PPP3CA: variants seen among roughly 807,000 people sequenced by gnomAD.
The protein encoded by PPP3CA is CAM-PRP catalytic subunit.
In PPP3CA, 14 loss-of-function variants were observed where a neutral mutation model predicts 66.5. The observed-to-expected ratio is 0.21, with a 90% CI of 0.14 to 0.33. The LOEUF is 0.33. Among genes scored for constraint, PPP3CA ranks in the 10% least tolerant of loss-of-function variants. PPP3CA has a pLI of 1.00. For synonymous variants in PPP3CA, 232 were observed against 226.2 expected (o/e 1.03, Z -0.23); for missense variants, 317 against 639.5 (o/e 0.50, Z 5.44).
intron 2 of PPP3CA, among the ~76,000 whole-genome samples, chr4:101,150,231 C>A (rs1723094556): frequency 2.0e-5 from 3 of 152,106 alleles, no homozygotes; most frequent in Admixed American, 2.0e-4. Flanking sequence ...AAATACTATA[C>A]TTAGTAGTTT....
At chr4:101,200,199 G>C (rs1422963828) in intron 1 of PPP3CA, among the ~76,000 whole-genome samples, 1 of 152,126 alleles carries the variant, frequency 6.6e-6, no homozygotes, top group African/African-American at 2.4e-5. Flanking sequence ...GGAAACATCT[G>C]AGGGTCATTG....
At chr4:101,249,198 CT>C (rs1726593438) in intron 1 of PPP3CA, among the ~76,000 whole-genome samples, 1 of 151,698 alleles carries the variant, frequency 6.6e-6, no homozygotes, top group Admixed American at 6.6e-5. Flanking sequence ...CAAATTACTG[CT>C]TTTGGGGATT....
chr4:101,159,399 G>T (rs1206124505), intron 2 of PPP3CA, among the ~76,000 whole-genome samples: 1 of 151,986 alleles, frequency 6.6e-6, no homozygotes, highest in Admixed American at 6.6e-5. Flanking sequence ...CCTACCCCAG[G>T]ATAAGAACAG....
At chr4:101,270,769 G>A (rs113671150) in intron 1 of PPP3CA, among the ~76,000 whole-genome samples, 5 of 152,012 alleles carry the variant, frequency 3.3e-5, no homozygotes, top group African/African-American at 7.2e-5. Context: ...TTAACAATTC[G>A]ATAATATTCA....
chr4:101,277,026 TAAAA>T (rs1727518082), intron 1 of PPP3CA, among the ~76,000 whole-genome samples: 2 of 152,092 alleles, frequency 1.3e-5, no homozygotes, highest in South Asian at 2.1e-4. Flanking sequence ...TTTCAGGTCC[TAAAA>T]GTCCCCTGTG....
chr4:101,215,349 C>T (rs965989252), intron 1 of PPP3CA, among the ~76,000 whole-genome samples: 2 of 152,030 alleles, frequency 1.3e-5, no homozygotes, highest in East Asian at 3.8e-4. Context: ...AAATAGACTT[C>T]TCTAATATTT....
chr4:101,167,182 A>T (rs905354826), intron 2 of PPP3CA, among the ~76,000 whole-genome samples: 1 of 152,186 alleles, frequency 6.6e-6, no homozygotes, highest in Non-Finnish European at 1.5e-5. Context: ...AATGCCCATT[A>T]TTAGGGGAGA....
intron 12 of PPP3CA, among the ~76,000 whole-genome samples, chr4:101,030,653 GA>G (rs1311413795): frequency 6.6e-6 from 1 of 152,028 alleles, no homozygotes; most frequent in Non-Finnish European, 1.5e-5. Flanking sequence ...ATGAAACAAA[GA>G]ACTGGAAAAA....
intron 1 of PPP3CA, among the ~76,000 whole-genome samples, chr4:101,205,956 G>A (rs1484219528): frequency 4.6e-5 from 7 of 152,194 alleles, no homozygotes; most frequent in African/African-American, 1.7e-4. Context: ...AGAGCCAAGG[G>A]CAGGAGCTAA....
At chr4:101,320,466 A>G (rs1235391364) in intron 1 of PPP3CA, among the ~76,000 whole-genome samples, 3 of 137,706 alleles carry the variant, frequency 2.2e-5, no homozygotes, top group African/African-American at 3.1e-5. Context: ...GTATGTATGT[A>G]TGTATGTATG....
intron 11 of PPP3CA, among the ~76,000 whole-genome samples, chr4:101,038,161 G>C (rs897044400): frequency 1.3e-5 from 2 of 152,224 alleles, no homozygotes; most frequent in African/African-American, 4.8e-5. Flanking sequence ...AGTGCTCTTA[G>C]GATTGTGTGG....
chr4:101,181,841 C>G (rs1417116620), intron 2 of PPP3CA, among the ~76,000 whole-genome samples: 2 of 151,960 alleles, frequency 1.3e-5, no homozygotes, highest in Non-Finnish European at 2.9e-5. Context: ...CTAAACAGCA[C>G]AATTAGGGAT....
intron 1 of PPP3CA, among the ~76,000 whole-genome samples, chr4:101,286,756 C>T (rs1727858102): frequency 6.6e-6 from 1 of 152,116 alleles, no homozygotes; most frequent in Non-Finnish European, 1.5e-5. Context: ...ATAAGAAATT[C>T]AGCTTCAGCA....
chr4:101,084,864 T>C (rs1246693914), intron 6 of PPP3CA, among the ~76,000 whole-genome samples: 1 of 152,160 alleles, frequency 6.6e-6, no homozygotes, highest in African/African-American at 2.4e-5. Flanking sequence ...ATCTAACTGA[T>C]GAACATGAGT....
chr4:101,076,291 C>T (rs1729188054), intron 8 of PPP3CA, among the ~76,000 whole-genome samples: 1 of 148,072 alleles, frequency 6.8e-6, no homozygotes, highest in African/African-American at 2.5e-5. Flanking sequence ...TGGTCACAGT[C>T]TTGCTGTTAA....
chr4:101,330,707 T>C (rs1560721249), intron 1 of PPP3CA, among the ~76,000 whole-genome samples: 1 of 152,082 alleles, frequency 6.6e-6, no homozygotes, highest in Non-Finnish European at 1.5e-5. Context: ...AAAGCCACAA[T>C]ATCTCTAAAA....
chr4:101,130,159 A>G (rs955607573), intron 2 of PPP3CA, among the ~76,000 whole-genome samples: 6 of 152,044 alleles, frequency 3.9e-5, no homozygotes, highest in African/African-American at 1.2e-4. Context: ...CAGAGATAGA[A>G]GATCACCTTA....
intron 1 of PPP3CA, among the ~76,000 whole-genome samples, chr4:101,242,227 T>G (rs978045253): frequency 5.9e-5 from 9 of 152,150 alleles, no homozygotes; most frequent in African/African-American, 1.7e-4. Flanking sequence ...ATGACTGCAA[T>G]AAGCATCATA....
intron 1 of PPP3CA, among the ~76,000 whole-genome samples, chr4:101,320,452 A>G (rs1050304294): frequency 1.4e-5 from 2 of 147,096 alleles, no homozygotes; most frequent in African/African-American, 5.1e-5. Context: ...AAAACCACTC[A>G]TATGTATGTA....
Sources: allele counts gnomAD v4.1 joint callset (sites outside exome capture counted in the v4.1 genomes callset), GRCh38; gene constraint gnomAD v4.1.1; transcripts MANE v1.5; gene names NCBI Gene and HGNC (gene_info 2026-07-23, HGNC 2026-07-21).